Variants in SLC25A11 observed in about 807,000 individuals in gnomAD.
SLC25A11 encodes mitochondrial 2-oxoglutarate/malate carrier protein.
SLC25A11 carries 11 observed loss-of-function variants against 32.7 expected under a neutral mutation model. The observed-to-expected ratio is 0.34, with a 90% CI of 0.21 to 0.56. The LOEUF (loss-of-function observed/expected upper bound fraction) is 0.56, where lower values mean the gene tolerates loss of function less well. SLC25A11 is among the 20% of genes least tolerant of loss of function. The probability of loss-of-function intolerance (pLI) is 0.90; values close to 1 mark genes in which losing one functional copy is unlikely to be tolerated. For synonymous variants in SLC25A11, 163 were observed against 168.3 expected, an observed-to-expected ratio of 0.97 and a Z score of 0.24; for missense variants, 295 against 426.3, an observed-to-expected ratio of 0.69 and a Z score of 2.71.
Position 4,938,562 on chromosome 17 carries a change from T to C in SLC25A11, c.496A>G (p.Asn166Asp). The stretch of plus-strand genomic sequence containing the variant: ...TCCCGGGTGATTCGAATCAGGGCGT[T>C]AAACACATTTTTGTAGCCACGGCGC... ...DQRRGYKNVF[N>D]ALIRITREEG... The change falls in exon 4 of 8, where the codon AAC (asparagine) becomes GAC (aspartate). Residue 166 changes from asparagine to aspartate, a missense_variant. Physicochemically the swap from Asn to Asp is conservative, Grantham distance 23 (BLOSUM62 1). Around this residue, in one of 3 missense-constraint regions of SLC25A11, gnomAD observed 49 missense variants for 106.9 expected, o/e 0.46. Transcript: ENST00000225665. The surrounding 1 kb of genome is among the most constrained non-coding windows in gnomAD (Gnocchi z 7.6). 1 of 1,614,084 alleles carries C rather than the reference T, an allele frequency of 6.2e-7. No homozygotes were observed. Among genetic ancestry groups the C allele is most frequent in the Non-Finnish European group, 8.5e-7 (1 of 1,179,986 alleles).
At chr17:4,937,967 C>T in intron 7 of SLC25A11, 56 bp downstream of exon 7, 3 of 1,613,508 alleles carry the variant, frequency 1.9e-6, no homozygotes, top group Non-Finnish European at 2.5e-6. Flanking sequence ...GCTGCCTTCA[C>T]ACCTTTCCCA....
chr17:4,939,633 A>G lies in SLC25A11; in HGVS notation c.95+183T>C. The G allele has an allele frequency of 9.4e-6, 6 of 637,894 alleles. No individual in the cohort carries two copies. The highest frequency in any genetic ancestry group is 1.7e-5 in the Non-Finnish European group (6 of 358,936). 39.5% of individuals were successfully genotyped at this position (637,894 alleles called of 1,614,324 possible). Reference sequence around the variant, plus strand: ...GGCGGGGGTTGTGCAACGACCCTGCATGCAGTCCATAAGGGTCCTGCAATG... The same window carrying G: ...GGCGGGGGTTGTGCAACGACCCTGCGTGCAGTCCATAAGGGTCCTGCAATG... On this transcript the variant is annotated intron_variant, in intron 1 of 7. Transcript: ENST00000225665. This position sits in a 1 kb window ranked among gnomAD's most constrained non-coding sequence, Gnocchi z 4.1.
At position 4,939,918 on chromosome 17, in the gene SLC25A11, C is replaced by A; in HGVS notation, c.-8G>T. ...ACTCGCCGTCGCCGCCATCGCCACT[C>A]AATGGCCCTCGGCTCCGGGTCCCGT... On this transcript the variant is annotated 5_prime_UTR_variant, in exon 1 of 8. Coordinates refer to ENST00000225665, the MANE Select transcript of SLC25A11 (RefSeq NM_003562.5). This position sits in a 1 kb window ranked among gnomAD's most constrained non-coding sequence, Gnocchi z 4.1. 1 of 1,608,314 alleles carries A rather than the reference C, an allele frequency of 6.2e-7. No individual in the cohort carries two copies. The highest frequency in any genetic ancestry group is 1.1e-5 in the South Asian group (1 of 90,572).
rs957246390 is a variant in SLC25A11 at position 4,939,232 on chromosome 17, G to C, written c.96-20C>G. The stretch of plus-strand genomic sequence containing the variant: ...CCCATCCTGGGGGAAGACAGAGGTG[G>C]AGTGAAGGGCCAGGCATTCCAGATC... On this transcript the variant is annotated intron_variant, in intron 1 of 7. Coordinates refer to ENST00000225665, the MANE Select transcript of SLC25A11 (RefSeq NM_003562.5). This position sits in a 1 kb window ranked among gnomAD's most constrained non-coding sequence, Gnocchi z 4.1. The C allele has an allele frequency of 1.3e-6, 2 of 1,595,512 alleles. No homozygotes were observed. Among genetic ancestry groups the C allele is most frequent in the East Asian group, 4.5e-5 (2 of 44,456 alleles).
rs1970621603 is a variant in SLC25A11 at position 4,940,024 on chromosome 17, A to C, written c.-114T>G. The C allele has an allele frequency of 1.5e-6, 1 of 651,178 alleles. No individual in the cohort carries two copies. The highest frequency in any genetic ancestry group is 2.4e-6 in the Non-Finnish European group (1 of 420,638). The allele number at this position is 651,178 out of a possible 1,614,324, so 40.3% of individuals were successfully genotyped here. ...GCGCGCGCACGCCCCTCCAGCTCTC[A>C]GGTCCGACACCCGCTGGAAGCCGGC... On this transcript the variant is annotated 5_prime_UTR_variant, in exon 1 of 8. Coordinates refer to ENST00000225665, the MANE Select transcript of SLC25A11 (RefSeq NM_003562.5).
At position 4,938,042 on chromosome 17, in the gene SLC25A11, G is replaced by A. The variant is rs140736160; in HGVS notation, c.770C>T (p.Pro257Leu). The A allele has an allele frequency of 2.8e-5, 45 of 1,614,116 alleles. No homozygotes were observed. The highest frequency in any genetic ancestry group is 1.1e-4 in the African/African-American group (8 of 75,030). The part of the protein sequence containing the change: ...IQNMRMIDGK[P>L]EYKNGLDVLF... ...CCTCACCAGCCCGTTCTTGTATTCC[G>A]GCTTCCCATCAATCATCCGCATGTT... Residue 257 changes from proline (P) to leucine (L), a missense_variant, in exon 7 of 8, where the codon CCG becomes CTG. By Grantham distance (98) the Pro-to-Leu change is moderately conservative. Coordinates refer to ENST00000225665, the MANE Select transcript of SLC25A11 (RefSeq NM_003562.5). The surrounding 1 kb of genome is among the most constrained non-coding windows in gnomAD (Gnocchi z 7.6).
chr17:4,939,098 AC>A lies in SLC25A11; in HGVS notation c.209del (p.Ser70IlefsTer3). ...CCCTCAGGCCTTCTGCCTTCAGGAT[AC>A]TGGTGAGGGCATGGAAGCTGGTTTT... is the stretch of plus-strand genomic sequence containing the variant. ...EYKTSFHALTSILKAEGLRGI... is the reference protein window; with the variant it reads ...EYKTSFHALTXILKAEGLRGI... On this transcript the variant is annotated frameshift_variant, in exon 2 of 8. Coordinates refer to ENST00000225665, the MANE Select transcript of SLC25A11 (RefSeq NM_003562.5). LOFTEE classifies it high-confidence loss of function. The surrounding 1 kb of genome is among the most constrained non-coding windows in gnomAD (Gnocchi z 4.1). 1 of 1,614,196 alleles carries A rather than the reference AC, an allele frequency of 6.2e-7. No individual in the cohort carries two copies. The highest frequency in any genetic ancestry group is 8.5e-7 in the Non-Finnish European group (1 of 1,180,024).
chr17:4,937,620 C>A lies in SLC25A11; in HGVS notation c.*121G>T. 1 of 1,224,002 alleles carries A rather than the reference C, an allele frequency of 8.2e-7. No individual in the cohort carries two copies. The highest frequency in any genetic ancestry group is 1.1e-6 in the Non-Finnish European group (1 of 888,496). 75.8% of individuals were successfully genotyped at this position (1,224,002 alleles called of 1,614,324 possible). On this transcript the variant is annotated 3_prime_UTR_variant, in exon 8 of 8. Coordinates refer to ENST00000225665, the MANE Select transcript of SLC25A11 (RefSeq NM_003562.5). Reference sequence around the variant, plus strand: ...GGGTAGAACAGACCAAGTCCTTTACCGCAGAGGAAGAAACCACACTGTGGA... The same window carrying A: ...GGGTAGAACAGACCAAGTCCTTTACAGCAGAGGAAGAAACCACACTGTGGA...
At position 4,939,495 on chromosome 17, in the gene SLC25A11, A is replaced by G. The variant is rs1970577510; in HGVS notation, c.96-283T>C. The G allele has an allele frequency of 3.5e-6, 2 of 574,582 alleles. No homozygotes were observed. The highest frequency in any genetic ancestry group is 6.3e-5 in the Admixed American group (2 of 31,520). The allele number at this position is 574,582 out of a possible 1,614,324, so 35.6% of individuals were successfully genotyped here. A position where few individuals can be genotyped will look rare whatever the true frequency, so the allele number is the denominator to read the frequency against. ...CGCAGTCCGACACAGGGAGGGGAGG[A>G]AGGGGCATCCAAGATTTAGGACTCC... On this transcript the variant is annotated intron_variant, in intron 1 of 7. Coordinates refer to ENST00000225665, the MANE Select transcript of SLC25A11 (RefSeq NM_003562.5). This position sits in a 1 kb window ranked among gnomAD's most constrained non-coding sequence, Gnocchi z 4.1.
rs1597643814 is a variant in SLC25A11 at position 4,937,821 on chromosome 17, G to A, written c.865C>T (p.Leu289=). 1.2e-6 allele frequency: 2 copies of A among 1,614,196 alleles called. No homozygotes were observed. Among genetic ancestry groups the A allele is most frequent in the East Asian group, 4.5e-5 (2 of 44,888 alleles). The change falls in exon 8 of 8, where the codon CTG becomes TTG. Residue 289 remains leucine (L), a synonymous_variant. Coordinates refer to ENST00000225665, the MANE Select transcript of SLC25A11 (RefSeq NM_003562.5). ...WKGFTPYYAR[L]GPHTVLTFIF... ...AAGGTGAGGACGGTGTGGGGGCCCA[G>A]GCGGGCATAGTACGGCGTGAAGCCC...
In SLC25A11 at chr17:4,938,250, T is replaced by C. The variant is rs1437295958; in HGVS notation, c.641A>G (p.Tyr214Cys). ...GTGGCACAAGATGTTGTCAGAGAAG[T>C]AGCCTGGGGGAGGTGAGGCGGGGGT... ...QSKQFLLDSG[Y>C]FSDNILCHFC... is the part of the protein sequence containing the mutation. Residue 214 changes from tyrosine (Y) to cysteine (C), a missense_variant, in exon 6 of 8, where the codon TAC becomes TGC. Tyr to Cys is a radical substitution (Grantham distance 194, BLOSUM62 -2). This residue lies in a region of SLC25A11 where 142 missense variants were observed against 197.8 expected (regional missense o/e 0.72). Transcript: ENST00000225665. This position sits in a 1 kb window ranked among gnomAD's most constrained non-coding sequence, Gnocchi z 7.6. 6.2e-7 allele frequency: 1 copy of C among 1,613,278 alleles called. No individual in the cohort carries two copies. Among genetic ancestry groups the C allele is most frequent in the Non-Finnish European group, 8.5e-7 (1 of 1,179,656 alleles).
Position 4,938,107 on chromosome 17 carries a change from G to GA in SLC25A11, c.738-34dup, listed in dbSNP as rs771395977. On this transcript the variant is annotated intron_variant, in intron 6 of 7. Coordinates refer to ENST00000225665, the MANE Select transcript of SLC25A11 (RefSeq NM_003562.5). This position sits in a 1 kb window ranked among gnomAD's most constrained non-coding sequence, Gnocchi z 7.6. ...AGAGGACGCAGGGGCATGAGAGACC[G>GA]AAAGGGCACCCTCCCACCCACCTCC... The GA allele has an allele frequency of 1.2e-6, 2 of 1,614,112 alleles. No individual in the cohort carries two copies. Among genetic ancestry groups the GA allele is most frequent in the Middle Eastern group, 1.6e-4 (1 of 6,062 alleles).
In SLC25A11 at chr17:4,939,238, A is replaced by C. The variant is rs779606827; in HGVS notation, c.96-26T>G. The stretch of plus-strand genomic sequence containing the variant: ...CTGGGGGAAGACAGAGGTGGAGTGA[A>C]GGGCCAGGCATTCCAGATCTACCAG... On this transcript the variant is annotated intron_variant, in intron 1 of 7. Transcript: ENST00000225665. The surrounding 1 kb of genome is among the most constrained non-coding windows in gnomAD (Gnocchi z 4.1). 6.3e-7 allele frequency: 1 copy of C among 1,590,668 alleles called. No homozygotes were observed. Among genetic ancestry groups the C allele is most frequent in the Non-Finnish European group, 8.6e-7 (1 of 1,163,258 alleles).
chr17:4,937,584 G>A lies in SLC25A11; in HGVS notation c.*157C>T. The A allele has an allele frequency of 1.3e-6, 1 of 792,146 alleles. No homozygotes were observed. The highest frequency in any genetic ancestry group is 1.9e-6 in the Non-Finnish European group (1 of 525,764). The allele number at this position is 792,146 out of a possible 1,614,324, so 49.1% of individuals were successfully genotyped here. A position where few individuals can be genotyped will look rare whatever the true frequency, so the allele number is the denominator to read the frequency against. On this transcript the variant is annotated 3_prime_UTR_variant, in exon 8 of 8. Coordinates refer to ENST00000225665, the MANE Select transcript of SLC25A11 (RefSeq NM_003562.5). ...CACAGGATCAGGACGAGCAGGGCAA[G>A]CTGGAGCAGGGGGTAGAACAGACCA...
At position 4,937,639 on chromosome 17, in the gene SLC25A11, CTG is replaced by C; in HGVS notation, c.*100_*101del. 1.4e-6 allele frequency: 2 copies of C among 1,389,508 alleles called. No individual in the cohort carries two copies. The highest frequency in any genetic ancestry group is 4.6e-5 in the Admixed American group (2 of 43,602). The allele number at this position is 1,389,508 out of a possible 1,614,324, so 86.1% of individuals were successfully genotyped here. A position where few individuals can be genotyped will look rare whatever the true frequency, so the allele number is the denominator to read the frequency against. ...CTTTACCGCAGAGGAAGAAACCACA[CTG>C]TGGAAGGGAAATAAATAGAGGGGTC... On this transcript the variant is annotated 3_prime_UTR_variant, in exon 8 of 8. Coordinates refer to ENST00000225665, the MANE Select transcript of SLC25A11 (RefSeq NM_003562.5).
Position 4,938,348 on chromosome 17 carries a change from G to A in SLC25A11, c.628C>T (p.Leu210=), listed in dbSNP as rs767209946. ...CAGCTCTGGATCTCACCTGAGTCCA[G>A]TAAGAACTGCTTGGATTGGGAGTAG... ...ASYSQSKQFL[L]DSGYFSDNIL... is the part of the protein sequence containing the mutation. The change falls in exon 5 of 8, where the codon CTG becomes TTG. Residue 210 remains leucine, a synonymous_variant. Transcript: ENST00000225665. The surrounding 1 kb of genome is among the most constrained non-coding windows in gnomAD (Gnocchi z 7.6). 4 of 1,614,168 alleles carry A rather than the reference G, an allele frequency of 2.5e-6. No homozygotes were observed. The South Asian group carries it at 3.3e-5, about 13-fold the overall frequency.
Position 4,939,269 on chromosome 17 carries a change from A to G in SLC25A11, c.96-57T>C. The G allele has an allele frequency of 2.6e-6, 4 of 1,552,548 alleles. No homozygotes were observed. The East Asian group carries it at 6.8e-5, about 26-fold the overall frequency. On this transcript the variant is annotated intron_variant, in intron 1 of 7. Coordinates refer to ENST00000225665, the MANE Select transcript of SLC25A11 (RefSeq NM_003562.5). The surrounding 1 kb of genome is among the most constrained non-coding windows in gnomAD (Gnocchi z 4.1). ...AGGCATTCCAGATCTACCAGTGCCCACTGGAGCCTGGCAGCAAGAGGTTAC... is the reference window on the plus strand; with the variant it reads ...AGGCATTCCAGATCTACCAGTGCCCGCTGGAGCCTGGCAGCAAGAGGTTAC...
Position 4,937,711 on chromosome 17 carries a change from G to A in SLC25A11, c.*30C>T, listed in dbSNP as rs373345026. On this transcript the variant is annotated 3_prime_UTR_variant, in exon 8 of 8. Coordinates refer to ENST00000225665, the MANE Select transcript of SLC25A11 (RefSeq NM_003562.5). ...CCCCCAGGGCGCAGTGGCTATAGGCGCAGCAGGCGAGTGGGAGCCCCCGGC... is the reference window on the plus strand; with the variant it reads ...CCCCCAGGGCGCAGTGGCTATAGGCACAGCAGGCGAGTGGGAGCCCCCGGC... The A allele has an allele frequency of 1.5e-5, 23 of 1,581,436 alleles. No individual in the cohort carries two copies. Among genetic ancestry groups the A allele is most frequent in the African/African-American group, 4.1e-5 (3 of 73,822 alleles).
chr17:4,937,623 AG>A lies in SLC25A11; in HGVS notation c.*117del. ...TAGAACAGACCAAGTCCTTTACCGC[AG>A]AGGAAGAAACCACACTGTGGAAGGG... is the stretch of plus-strand genomic sequence containing the variant. On this transcript the variant is annotated 3_prime_UTR_variant, in exon 8 of 8. Transcript: ENST00000225665. 8.0e-7 allele frequency: 1 copy of A among 1,253,302 alleles called. No individual in the cohort carries two copies. The highest frequency in any genetic ancestry group is 2.3e-5 in the East Asian group (1 of 42,614). 77.6% of individuals were successfully genotyped at this position (1,253,302 alleles called of 1,614,324 possible). A position where few individuals can be genotyped will look rare whatever the true frequency, so the allele number is the denominator to read the frequency against.
Sources: gnomAD v4.1 joint callset for allele counts on GRCh38, gnomAD v4.1.1 for gene constraint, gnomAD v4.1.1 regional missense constraint, Gnocchi (gnomAD v3.1) non-coding constraint, MANE v1.5 for transcripts, NCBI Gene and HGNC (gene_info 2026-07-23, HGNC 2026-07-21) for gene names.